Variants in SORCS3 observed in about 807,000 individuals in gnomAD.
SORCS3 encodes sortilin related VPS10 domain containing receptor 3.
A neutral mutation model predicts 146.3 loss-of-function variants in SORCS3; 57 were observed. The ratio of observed to expected loss-of-function variants is 0.39; its 90% CI spans 0.31 to 0.49. The LOEUF (loss-of-function observed/expected upper bound fraction) is 0.49, where lower values mean the gene tolerates loss of function less well. SORCS3 is among the 20% of genes least tolerant of loss of function. The probability of loss-of-function intolerance (pLI) is 0.92; values close to 1 mark genes in which losing one functional copy is unlikely to be tolerated. For missense variants in SORCS3, 1,341 were observed against 1,575.5 expected (o/e 0.85, Z 2.52); for synonymous variants, 653 against 618.5 (o/e 1.06, Z -0.83).
At chr10:104,949,500 G>A (rs1400287573) in intron 3 of SORCS3, among the ~76,000 whole-genome samples, 1 of 152,190 alleles carries the variant, frequency 6.6e-6, no homozygotes, top group Admixed American at 6.5e-5. Flanking sequence ...GAAGTTAAAT[G>A]TAACTTCCCT....
chr10:104,903,909 A>G lies in SORCS3; in HGVS notation c.696-11924A>G, dbSNP rs78659858. On this transcript the variant is annotated intron_variant, in intron 2 of 26. Coordinates refer to ENST00000369701, the MANE Select transcript of SORCS3 (RefSeq NM_014978.3). ...AAAATTTGAAAAGTAAAAGAATGCT[A>G]ATTTTGTCATGAAATTGTTTTGTTT... is the stretch of plus-strand genomic sequence containing the variant. Among the ~76,000 whole-genome samples, 22 of 152,268 alleles carry G rather than the reference A, an allele frequency of 1.4e-4. No homozygotes were observed. The East Asian group carries it at 4.2e-3, about 29-fold the overall frequency.
chr10:104,735,456 GTT>G lies in SORCS3; in HGVS notation c.627+93522_627+93523del, dbSNP rs56203751. On this transcript the variant is annotated intron_variant, in intron 1 of 26. Transcript: ENST00000369701. ...CGGTATTCATGAGCTCTCACCGTCT[GTT>G]TTTTTTTTTTTTTTTTTTTAATCAA... Among the ~76,000 whole-genome samples, 98 of 35,004 alleles carry G rather than the reference GTT, an allele frequency of 2.8e-3. 7 individuals are homozygous for G. In the South Asian group the frequency reaches 0.046, roughly 17 times the overall value. The allele number at this position is 35,004 out of a possible 152,430, so 23.0% of individuals were successfully genotyped here.
At chr10:104,772,635 G>A (rs1457635695) in intron 1 of SORCS3, among the ~76,000 whole-genome samples, 4 of 152,080 alleles carry the variant, frequency 2.6e-5, no homozygotes, top group African/African-American at 9.7e-5. Flanking sequence ...GTTCTTCTTT[G>A]ATCCAGCCTC....
At chr10:105,022,713 A>G (rs1211809912) in intron 4 of SORCS3, among the ~76,000 whole-genome samples, 2 of 152,186 alleles carry the variant, frequency 1.3e-5, no homozygotes, top group Non-Finnish European at 2.9e-5. Context: ...GAGTGTGGGG[A>G]AAGGACATTG....
intron 7 of SORCS3, among the ~76,000 whole-genome samples, chr10:105,118,416 G>T (rs1455103668): frequency 2.6e-5 from 4 of 152,108 alleles, no homozygotes; most frequent in African/African-American, 9.7e-5. Flanking sequence ...AAATTATCCA[G>T]TCATGGGCAG....
chr10:104,854,621 G>A (rs1424039548), intron 2 of SORCS3, among the ~76,000 whole-genome samples: 1 of 152,066 alleles, frequency 6.6e-6, no homozygotes, highest in Non-Finnish European at 1.5e-5. Flanking sequence ...GGGAAGGTAG[G>A]TTTGTCTATC....
intron 5 of SORCS3, among the ~76,000 whole-genome samples, chr10:105,061,901 G>A (rs1339088294): frequency 6.6e-6 from 1 of 152,116 alleles, no homozygotes; most frequent in Non-Finnish European, 1.5e-5. Flanking sequence ...CAGGGGAGGG[G>A]TGTGACCCTA....
chr10:104,921,273 A>G (rs543606174), intron 3 of SORCS3, among the ~76,000 whole-genome samples: 21 of 152,328 alleles, frequency 1.4e-4, no homozygotes, highest in Admixed American at 4.6e-4. Context: ...TTTGTGCCTT[A>G]ACTAGAGAGG....
Position 105,108,683 on chromosome 10 carries a change from C to T in SORCS3, c.1212+3168C>T, listed in dbSNP as rs1233117528. ...TGGGAACCAATGGATTAACAATGCC[C>T]CAAATAATGTGAAAGGCCAATAAAC... On this transcript the variant is annotated intron_variant, in intron 7 of 26. Coordinates refer to ENST00000369701, the MANE Select transcript of SORCS3 (RefSeq NM_014978.3). 3.3e-5 allele frequency among the ~76,000 whole-genome samples: 5 copies of T among 151,992 alleles called. No homozygotes were observed. In the South Asian group the frequency reaches 1.0e-3, roughly 32 times the overall value.
intron 3 of SORCS3, among the ~76,000 whole-genome samples, chr10:104,945,986 G>C (rs1235458221): frequency 2.0e-5 from 3 of 151,988 alleles, no homozygotes; most frequent in Non-Finnish European, 4.4e-5. Flanking sequence ...TCTAGTCCTG[G>C]CTCCACCTCT....
chr10:104,710,227 C>T (rs1192325320), intron 1 of SORCS3, among the ~76,000 whole-genome samples: 5 of 152,094 alleles, frequency 3.3e-5, no homozygotes, highest in Non-Finnish European at 5.9e-5. Flanking sequence ...TTTCCTTTGC[C>T]CTATAGCCCA....
At position 104,699,838 on chromosome 10, in the gene SORCS3, A is replaced by T. The variant is rs533732159; in HGVS notation, c.627+57884A>T. Among the ~76,000 whole-genome samples, 5 of 152,296 alleles carry T rather than the reference A, an allele frequency of 3.3e-5. No homozygotes were observed. In the South Asian group the frequency reaches 1.0e-3, roughly 32 times the overall value. On this transcript the variant is annotated intron_variant, in intron 1 of 26. Coordinates refer to ENST00000369701, the MANE Select transcript of SORCS3 (RefSeq NM_014978.3). ...TAATAGATTTTTTAAAATATGAATGATTCTAAAAGATGGATGATTTGCTGT... is the reference window on the plus strand; with the variant it reads ...TAATAGATTTTTTAAAATATGAATGTTTCTAAAAGATGGATGATTTGCTGT...
intron 25 of SORCS3, among the ~76,000 whole-genome samples, chr10:105,261,900 C>G (rs1190290846): frequency 1.3e-5 from 2 of 152,090 alleles, no homozygotes; most frequent in Non-Finnish European, 2.9e-5. Flanking sequence ...TATTTCTTGA[C>G]TATTTATTTT....
chr10:105,108,314 G>A (rs1363497881), intron 7 of SORCS3, among the ~76,000 whole-genome samples: 1 of 152,072 alleles, frequency 6.6e-6, no homozygotes, highest in African/African-American at 2.4e-5. Flanking sequence ...TTCAGGAGCG[G>A]GGGTTCGTCA....
intron 5 of SORCS3, among the ~76,000 whole-genome samples, chr10:105,044,796 C>CT (rs1267032239): frequency 2.0e-5 from 3 of 151,760 alleles, no homozygotes; most frequent in Admixed American, 2.0e-4. Context: ...AACACCTGGA[C>CT]TATCTCCAGC....
At chr10:105,078,961 C>A (rs1220354088) in intron 5 of SORCS3, among the ~76,000 whole-genome samples, 1 of 151,700 alleles carries the variant, frequency 6.6e-6, no homozygotes, top group African/African-American at 2.4e-5. Flanking sequence ...GTATCTTGGG[C>A]TCTAATAAAT....
intron 25 of SORCS3, among the ~76,000 whole-genome samples, chr10:105,260,216 G>A (rs1329916461): frequency 1.3e-5 from 2 of 152,120 alleles, no homozygotes; most frequent in Non-Finnish European, 2.9e-5. Flanking sequence ...AGAAAAGCAG[G>A]AAAGGGGAGG....
chr10:105,062,162 G>T (rs2055492158), intron 5 of SORCS3, among the ~76,000 whole-genome samples: 1 of 152,148 alleles, frequency 6.6e-6, no homozygotes, highest in South Asian at 2.1e-4. Flanking sequence ...AGACATTATT[G>T]TTTACTGAGG....
chr10:104,892,729 A>AG (rs1176967912), intron 2 of SORCS3, among the ~76,000 whole-genome samples: 1 of 152,156 alleles, frequency 6.6e-6, no homozygotes, highest in African/African-American at 2.4e-5. Flanking sequence ...CTCAAAAAAA[A>AG]AAAATTTTTT....
Sources: gnomAD v4.1 joint callset for allele counts (sites outside exome capture counted in the v4.1 genomes callset) on GRCh38, gnomAD v4.1.1 for gene constraint, MANE v1.5 for transcripts, NCBI Gene and HGNC (gene_info 2026-07-23, HGNC 2026-07-21) for gene names.